The following FAM13A variants were observed in gnomAD, a reference collection of about 807,000 sequenced individuals.
FAM13A encodes the protein family with sequence similarity 13 member A.
Under a neutral mutation model 129.6 loss-of-function variants are expected in FAM13A, and 76 were observed. That is an observed-to-expected ratio of 0.59 (90% CI 0.49 to 0.71). The LOEUF (loss-of-function observed/expected upper bound fraction) is 0.71, where lower values mean the gene tolerates loss of function less well. FAM13A is among the 30% of genes least tolerant of loss of function. The pLI, the probability that FAM13A is intolerant of heterozygous loss-of-function variation, is 0.00. For synonymous variants in FAM13A, 443 were observed against 449.9 expected (o/e 0.98, Z 0.20); for missense variants, 1,108 against 1,249.3 (o/e 0.89, Z 1.70).
chr4:89,000,103 T>G (rs1472568974), intron 3 of FAM13A, among the ~76,000 whole-genome samples: 1 of 152,196 alleles, frequency 6.6e-6, no homozygotes. Flanking sequence ...GGTATCCTGC[T>G]TTTCCTCTTC....
chr4:88,802,927 T>C (rs577333210), intron 8 of FAM13A, among the ~76,000 whole-genome samples: 4 of 152,336 alleles, frequency 2.6e-5, no homozygotes, highest in African/African-American at 7.2e-5. Context: ...TGCTCTCATC[T>C]TCTGTCTGTT....
chr4:88,951,947 A>C (rs1454937159), intron 4 of FAM13A, among the ~76,000 whole-genome samples: 1 of 152,206 alleles, frequency 6.6e-6, no homozygotes, highest in African/African-American at 2.4e-5. Context: ...GCATACTCTT[A>C]GAAGTTGAAC....
intron 5 of FAM13A, among the ~76,000 whole-genome samples, chr4:88,915,152 C>T (rs2148687044): frequency 6.6e-6 from 1 of 152,270 alleles, no homozygotes; most frequent in East Asian, 1.9e-4. Context: ...TTGCACATAA[C>T]CAGGGTCCAA....
At chr4:88,823,394 C>T in intron 7 of FAM13A, 1 of 927,752 alleles carries the variant, frequency 1.1e-6, no homozygotes, top group Non-Finnish European at 1.3e-6. Flanking sequence ...CCTCCTCCTT[C>T]TCTCCTCCTG....
chr4:88,772,419 C>T (rs554718884), intron 11 of FAM13A, among the ~76,000 whole-genome samples: 27 of 152,220 alleles, frequency 1.8e-4, no homozygotes, highest in Admixed American at 1.4e-3. Context: ...CTTTTTCCAC[C>T]GTAATAAAGT....
At chr4:88,842,475 T>C (rs1218193739) in intron 7 of FAM13A, among the ~76,000 whole-genome samples, 1 of 152,270 alleles carries the variant, frequency 6.6e-6, no homozygotes, top group Non-Finnish European at 1.5e-5. Flanking sequence ...ACATCACTTC[T>C]ATTGTGCTGC....
Position 88,748,929 on chromosome 4 carries a change from C to T in FAM13A, c.2161+23G>A, listed in dbSNP as rs367958865. 5.1e-6 allele frequency: 8 copies of T among 1,570,796 alleles called. No individual in the cohort carries two copies. In the African/African-American group the frequency reaches 6.8e-5, roughly 13 times the overall value. On this transcript the variant is annotated intron_variant, in intron 17 of 23. Transcript: ENST00000264344. ...TGCACCTGGCTTGTTGTACAGAAGC[C>T]ACAGCTCCAGAATTTTACCCACCTT...
chr4:88,835,977 T>C (rs947052434), intron 7 of FAM13A, among the ~76,000 whole-genome samples: 1 of 151,984 alleles, frequency 6.6e-6, no homozygotes, highest in Admixed American at 6.6e-5. Context: ...CCTTGAAGCA[T>C]CTGTCATCCA....
At chr4:88,867,405 AC>A (rs1245547811) in intron 6 of FAM13A, among the ~76,000 whole-genome samples, 1 of 152,246 alleles carries the variant, frequency 6.6e-6, no homozygotes, top group African/African-American at 2.4e-5. Context: ...ATGTAAAAAA[AC>A]ATGACTAAAT....
rs533760950 is a variant in FAM13A, at chr4:88,873,383, T to A, written c.844-22200A>T. Among the ~76,000 whole-genome samples the A allele has an allele frequency of 1.9e-3, 285 of 152,228 alleles. 2 individuals are homozygous for A. The highest frequency in any genetic ancestry group is 6.5e-3 in the African/African-American group (271 of 41,532). On this transcript the variant is annotated intron_variant, in intron 6 of 23. Coordinates refer to ENST00000264344, the MANE Select transcript of FAM13A (RefSeq NM_014883.4). ...TTTTTGAAAGGATCAACAAAATTGA[T>A]AGACTGCTAGCAAGACTAATAAGGA... is the stretch of plus-strand genomic sequence containing the variant.
chr4:88,985,191 A>G (rs1310038633), intron 4 of FAM13A, among the ~76,000 whole-genome samples: 2 of 152,188 alleles, frequency 1.3e-5, no homozygotes, highest in African/African-American at 4.8e-5. Context: ...CAGTCAGAAA[A>G]GAACACATAT....
At chr4:88,907,395 T>C (rs141307628) in intron 5 of FAM13A, among the ~76,000 whole-genome samples, 17 of 152,338 alleles carry the variant, frequency 1.1e-4, no homozygotes, top group African/African-American at 3.8e-4. Context: ...GGCTAATTCG[T>C]TACAATCTTT....
chr4:88,752,340 C>G (rs1315822673), intron 14 of FAM13A, among the ~76,000 whole-genome samples: 1 of 152,080 alleles, frequency 6.6e-6, no homozygotes. Flanking sequence ...TAGAATGTGC[C>G]AAGTGCTTCC....
At chr4:88,752,765 G>GA (rs1742892658) in intron 14 of FAM13A, among the ~76,000 whole-genome samples, 1 of 152,148 alleles carries the variant, frequency 6.6e-6, no homozygotes, top group Non-Finnish European at 1.5e-5. Context: ...GCAACCACTA[G>GA]AAAAAATAAA....
At chr4:88,811,293 C>T (rs1353753654) in intron 7 of FAM13A, among the ~76,000 whole-genome samples, 1 of 152,144 alleles carries the variant, frequency 6.6e-6, no homozygotes, top group Admixed American at 6.6e-5. Context: ...CCTAGTTACA[C>T]CACAGGACGG....
chr4:88,927,208 T>A (rs1039366706), intron 5 of FAM13A, among the ~76,000 whole-genome samples: 2 of 152,068 alleles, frequency 1.3e-5, no homozygotes, highest in Non-Finnish European at 2.9e-5. Context: ...TATATTTTTT[T>A]TTTTGTATAG....
chr4:89,012,104 G>A (rs139133886), intron 3 of FAM13A, among the ~76,000 whole-genome samples: 252 of 152,176 alleles, frequency 1.7e-3, no homozygotes, highest in African/African-American at 5.5e-3. Context: ...TTTTCCACAG[G>A]AAACAGTCAA....
intron 6 of FAM13A, among the ~76,000 whole-genome samples, chr4:88,852,833 A>G (rs1737837631): frequency 6.6e-6 from 1 of 152,234 alleles, no homozygotes; most frequent in Non-Finnish European, 1.5e-5. Context: ...GGGAATAATT[A>G]TGAACATAAA....
At chr4:88,918,352 A>C (rs1256814416) in intron 5 of FAM13A, among the ~76,000 whole-genome samples, 1 of 152,248 alleles carries the variant, frequency 6.6e-6, no homozygotes, top group Non-Finnish European at 1.5e-5. Context: ...TCTTCACAAC[A>C]ACCCTATGAA....
Sources: allele counts gnomAD v4.1 joint callset (sites outside exome capture counted in the v4.1 genomes callset), GRCh38; gene constraint gnomAD v4.1.1; transcripts MANE v1.5; gene names NCBI Gene and HGNC (gene_info 2026-07-23, HGNC 2026-07-21).